Variants in GRM7 observed in about 807,000 individuals in gnomAD.
GRM7 encodes the protein glutamate metabotropic receptor 7.
GRM7 carries 35 observed loss-of-function variants against 84.5 expected under a neutral mutation model. That is an observed-to-expected ratio of 0.41 (90% CI 0.32 to 0.55). The LOEUF is 0.55. GRM7 is among the 20% of genes least tolerant of loss of function. The probability of loss-of-function intolerance (pLI) is 0.19; values close to 1 mark genes in which losing one functional copy is unlikely to be tolerated. For missense variants in GRM7, 1,003 were observed against 1,194.6 expected, an observed-to-expected ratio of 0.84 and a Z score of 2.36; for synonymous variants, 487 against 455.1, an observed-to-expected ratio of 1.07 and a Z score of -0.89.
At chr3:7,310,543 G>A (rs1009055158) in intron 4 of GRM7, among the ~76,000 whole-genome samples, 4 of 152,102 alleles carry the variant, frequency 2.6e-5, no homozygotes, top group African/African-American at 9.7e-5. Flanking sequence ...GTTTCTCTAG[G>A]TGAATGGGGA....
In GRM7 at chr3:7,176,935, G is replaced by A. The variant is rs901350090; in HGVS notation, c.736+30267G>A. Among the ~76,000 whole-genome samples the A allele has an allele frequency of 5.9e-5, 9 of 152,344 alleles. No individual in the cohort carries two copies. In the East Asian group the frequency reaches 1.5e-3, roughly 26 times the overall value. On this transcript the variant is annotated intron_variant, in intron 2 of 9. Transcript: ENST00000357716. ...TAAAAGAATATAAGTTAACCTTCATGTGAAGCGGAATTAAAGAACCACAAG... is the reference window on the plus strand; with the variant it reads ...TAAAAGAATATAAGTTAACCTTCATATGAAGCGGAATTAAAGAACCACAAG...
intron 1 of GRM7, among the ~76,000 whole-genome samples, chr3:7,024,315 A>G (rs1289974193): frequency 6.6e-6 from 1 of 152,240 alleles, no homozygotes; most frequent in African/African-American, 2.4e-5. Flanking sequence ...CCATCCTGCT[A>G]TGCAATGAAG....
chr3:7,415,042 G>T lies in GRM7; in HGVS notation c.1053G>T (p.Thr351=). The T allele has an allele frequency of 6.2e-7, 1 of 1,612,652 alleles. No individual in the cohort carries two copies. Among genetic ancestry groups the T allele is most frequent in the Non-Finnish European group, 8.5e-7 (1 of 1,179,032 alleles). ...GTTTAGGGTTTGATGCCTACTTTAC[G>T]TCCCGTACACTTGAAAACAACAGAA... ...ATVEGFDAYF[T]SRTLENNRRN... Residue 351 remains threonine, a synonymous_variant, in exon 5 of 10, where the codon ACG becomes ACT. Coordinates refer to ENST00000357716, the MANE Select transcript of GRM7 (RefSeq NM_000844.4).
intron 7 of GRM7, among the ~76,000 whole-genome samples, chr3:7,505,924 A>G (rs1006634794): frequency 2.6e-5 from 4 of 152,112 alleles, no homozygotes; most frequent in Admixed American, 2.6e-4. Context: ...TTCCTTCTCA[A>G]TGGGTTCCAT....
chr3:7,586,976 G>A (rs748390223), intron 8 of GRM7, among the ~76,000 whole-genome samples: 5 of 152,184 alleles, frequency 3.3e-5, no homozygotes, highest in Admixed American at 6.5e-5. Flanking sequence ...GTTGTTGGCT[G>A]TGAATAAGCA....
intron 2 of GRM7, among the ~76,000 whole-genome samples, chr3:7,278,963 G>C (rs1439258804): frequency 6.6e-6 from 1 of 152,178 alleles, no homozygotes; most frequent in Non-Finnish European, 1.5e-5. Flanking sequence ...AGGGAAAACA[G>C]TGACAGGTCC....
chr3:7,506,017 T>C (rs997854298), intron 7 of GRM7, among the ~76,000 whole-genome samples: 11 of 152,208 alleles, frequency 7.2e-5, no homozygotes, highest in Non-Finnish European at 1.3e-4. Flanking sequence ...ATAAATTCTG[T>C]CTTTAAATCA....
intron 2 of GRM7, among the ~76,000 whole-genome samples, chr3:7,185,408 A>G (rs1158099722): frequency 6.6e-6 from 1 of 152,160 alleles, no homozygotes; most frequent in Non-Finnish European, 1.5e-5. Flanking sequence ...ACAAACCTCA[A>G]AGAAGAGCTC....
chr3:7,146,398 A>C, intron 1 of GRM7, 54 bp from the exon 2 acceptor site: 3 of 1,268,602 alleles, frequency 2.4e-6, no homozygotes, highest in Non-Finnish European at 3.5e-6. Flanking sequence ...AGTATAAATG[A>C]GTCTCTTACA....
chr3:7,134,428 CGTCA>C (rs1368905177), intron 1 of GRM7, among the ~76,000 whole-genome samples: 4 of 137,518 alleles, frequency 2.9e-5, no homozygotes, highest in African/African-American at 1.2e-4. Flanking sequence ...TCATCATCAT[CGTCA>C]TCATCATCAT....
At chr3:7,330,815 T>C (rs1326225387) in intron 4 of GRM7, among the ~76,000 whole-genome samples, 1 of 152,162 alleles carries the variant, frequency 6.6e-6, no homozygotes, top group Non-Finnish European at 1.5e-5. Flanking sequence ...TAATACCCCT[T>C]CCTCCAGGGC....
intron 2 of GRM7, among the ~76,000 whole-genome samples, chr3:7,219,735 G>A (rs1284968486): frequency 6.6e-6 from 1 of 152,190 alleles, no homozygotes; most frequent in African/African-American, 2.4e-5. Flanking sequence ...GTATACATCA[G>A]TAGCAGCAAG....
chr3:7,571,525 T>C (rs1393102649), intron 7 of GRM7, among the ~76,000 whole-genome samples: 1 of 152,196 alleles, frequency 6.6e-6, no homozygotes, highest in African/African-American at 2.4e-5. Flanking sequence ...AACAAGTTCC[T>C]CATCTCCATC....
chr3:7,657,970 A>T (rs141083714), intron 8 of GRM7, among the ~76,000 whole-genome samples: 294 of 152,320 alleles, frequency 1.9e-3, no homozygotes, highest in Admixed American at 4.7e-3. Context: ...GCTCCTGGGT[A>T]TGAGTCTCCA....
intron 1 of GRM7, among the ~76,000 whole-genome samples, chr3:7,120,428 C>G (rs1028034423): frequency 6.6e-6 from 1 of 151,966 alleles, no homozygotes; most frequent in African/African-American, 2.4e-5. Flanking sequence ...TTAATGTTTT[C>G]TAAAGGATTG....
rs563152773 is a variant in GRM7 at position 7,070,449 on chromosome 3, T to C, written c.520-76003T>C. Among the ~76,000 whole-genome samples, 5 of 152,232 alleles carry C rather than the reference T, an allele frequency of 3.3e-5. No individual in the cohort carries two copies. The South Asian group carries it at 6.2e-4, about 19-fold the overall frequency. On this transcript the variant is annotated intron_variant, in intron 1 of 9. Transcript: ENST00000357716. ...GAATGCTAAAAACAAAACTTTTTCA[T>C]TCCTAATAAACTTATTTTTATTTAA...
rs1391099875 is a variant in GRM7, at chr3:7,144,460, A to C, written c.520-1992A>C. Among the ~76,000 whole-genome samples the C allele has an allele frequency of 4.6e-5, 7 of 152,334 alleles. No individual in the cohort carries two copies. In the East Asian group the frequency reaches 1.4e-3, roughly 29 times the overall value. ...AAAGCAGTAATGAAAGGAATATGTA[A>C]AAACATTTTATTGCCATAGGACAGT... On this transcript the variant is annotated intron_variant, in intron 1 of 9. Transcript: ENST00000357716.
intron 4 of GRM7, among the ~76,000 whole-genome samples, chr3:7,331,082 G>A (rs1424608551): frequency 6.6e-6 from 1 of 152,130 alleles, no homozygotes; most frequent in Non-Finnish European, 1.5e-5. Flanking sequence ...TGTTACCTGT[G>A]TTCCCCAGGA....
intron 7 of GRM7, among the ~76,000 whole-genome samples, chr3:7,511,885 T>C (rs1700223079): frequency 6.6e-6 from 1 of 152,186 alleles, no homozygotes; most frequent in South Asian, 2.1e-4. Context: ...CTCATGCCTG[T>C]AATCTCAGCA....
Sources: allele counts gnomAD v4.1 joint callset (sites outside exome capture counted in the v4.1 genomes callset), GRCh38; gene constraint gnomAD v4.1.1; transcripts MANE v1.5; gene names NCBI Gene and HGNC (gene_info 2026-07-23, HGNC 2026-07-21).